CCDC93: variants seen among roughly 807,000 people sequenced by gnomAD.
CCDC93 encodes the protein coiled-coil domain-containing protein 93.
A neutral mutation model predicts 108.2 loss-of-function variants in CCDC93; 61 were observed. The observed-to-expected ratio is 0.56, with a 90% CI of 0.46 to 0.70. The LOEUF (loss-of-function observed/expected upper bound fraction) is 0.70, where lower values mean the gene tolerates loss of function less well. Ranked by LOEUF, CCDC93 falls within the 30% of genes least tolerant of loss-of-function variation. CCDC93 has a pLI of 0.00. For synonymous variants in CCDC93, 276 were observed against 260.4 expected (o/e 1.06, Z -0.58); for missense variants, 685 against 764.2 (o/e 0.90, Z 1.22).
At chr2:117,923,706 C>CA (rs887569425) in intron 23 of CCDC93, among the ~76,000 whole-genome samples, 1 of 58 alleles carries the variant, frequency 0.017, no homozygotes, top group African/African-American at 0.056. Flanking sequence ...CCTCTGGGGG[C>CA]AGGCATAGCC....
At chr2:117,941,023 G>A (rs1678683600) in intron 19 of CCDC93, among the ~76,000 whole-genome samples, 166 bp downstream of exon 19, 2 of 152,178 alleles carry the variant, frequency 1.3e-5, no homozygotes, top group African/African-American at 4.8e-5. Context: ...GAGCACCACA[G>A]TGCTGCTCCC....
At chr2:117,949,109 T>A (rs17047565) in intron 14 of CCDC93, among the ~76,000 whole-genome samples, 5 of 152,174 alleles carry the variant, frequency 3.3e-5, no homozygotes, top group Non-Finnish European at 7.4e-5. Flanking sequence ...ACAAGGGGTA[T>A]TGGGAAAAAG....
At chr2:117,993,720 CTTTGTTGTGTTTTTGT>C (rs1035275943) in intron 6 of CCDC93, among the ~76,000 whole-genome samples, 2 of 152,122 alleles carry the variant, frequency 1.3e-5, no homozygotes, top group African/African-American at 4.8e-5. Flanking sequence ...TAGCAGGAAT[CTTTGTTGTGTTTTTGT>C]TTTTGTTTTT....
intron 11 of CCDC93, among the ~76,000 whole-genome samples, chr2:117,966,968 A>G (rs911396370): frequency 1.3e-5 from 2 of 152,210 alleles, no homozygotes; most frequent in Non-Finnish European, 2.9e-5. Flanking sequence ...AGATGTTGAC[A>G]TTCTTCGGGC....
At chr2:117,951,237 C>T (rs3771941) in intron 13 of CCDC93, 394,474 of 984,834 alleles carry the variant, frequency 0.4, 80,244 homozygotes, top group East Asian at 0.68. Context: ...CAGAGGGCTC[C>T]CAACCCGCAG....
At chr2:117,925,532 T>C (rs1214818052) in intron 23 of CCDC93, among the ~76,000 whole-genome samples, 1 of 152,180 alleles carries the variant, frequency 6.6e-6, no homozygotes, top group African/African-American at 2.4e-5. Context: ...AGAAGGCTAT[T>C]ACATAATGGT....
At chr2:117,929,095 C>A (rs1013796427) in intron 23 of CCDC93, among the ~76,000 whole-genome samples, 4 of 149,122 alleles carry the variant, frequency 2.7e-5, no homozygotes, top group Non-Finnish European at 3.0e-5. Flanking sequence ...GAACATCACA[C>A]ACCAGGGCCT....
At chr2:117,928,471 AAAG>A (rs1250019488) in intron 23 of CCDC93, among the ~76,000 whole-genome samples, 1 of 152,244 alleles carries the variant, frequency 6.6e-6, no homozygotes, top group Non-Finnish European at 1.5e-5. Flanking sequence ...ACACTTCTCA[AAAG>A]AAGACATTTA....
rs1022039725 is a variant in CCDC93, at chr2:117,944,104, C to T, written c.1351-18G>A. On this transcript the variant is annotated intron_variant, in intron 17 of 23. Transcript: ENST00000376300. ...AGGTCTTCCTAAAAATTGGAAAAGG[C>T]TGTAATTATCTGGGAATAGAAAACT... 3.2e-6 allele frequency: 5 copies of T among 1,550,368 alleles called. No individual in the cohort carries two copies. In the African/African-American group the frequency reaches 5.5e-5, roughly 17 times the overall value.
At chr2:118,003,037 TAAAAC>T (rs543492049) in intron 3 of CCDC93, among the ~76,000 whole-genome samples, 35 of 152,250 alleles carry the variant, frequency 2.3e-4, no homozygotes, top group South Asian at 1.0e-3. Context: ...CTCTGTCTCT[TAAAAC>T]AAAACAAAAC....
At chr2:117,924,609 C>T (rs146807746) in intron 23 of CCDC93, among the ~76,000 whole-genome samples, 3 of 152,158 alleles carry the variant, frequency 2.0e-5, no homozygotes, top group African/African-American at 7.2e-5. Context: ...ACCAAAGTCT[C>T]CAAGAAATAT....
intron 20 of CCDC93, among the ~76,000 whole-genome samples, chr2:117,937,713 T>C (rs1023433290): frequency 6.6e-6 from 1 of 152,228 alleles, no homozygotes; most frequent in Non-Finnish European, 1.5e-5. Flanking sequence ...TTGGCAAATC[T>C]TTCCTTTGCC....
At chr2:117,957,755 A>G (rs1265686929) in intron 12 of CCDC93, among the ~76,000 whole-genome samples, 1 of 152,166 alleles carries the variant, frequency 6.6e-6, no homozygotes, top group African/African-American at 2.4e-5. Context: ...CTGTAAGTCC[A>G]TATAGCCCAT....
intron 7 of CCDC93, among the ~76,000 whole-genome samples, chr2:117,983,387 T>G (rs962166285): frequency 1.3e-5 from 2 of 152,258 alleles, no homozygotes; most frequent in African/African-American, 4.8e-5. Flanking sequence ...CATTTTCTCC[T>G]GTTAATCTGC....
At position 117,958,490 on chromosome 2, in the gene CCDC93, A is replaced by C. The variant is rs755416734; in HGVS notation, c.889-9T>G. On this transcript the variant is annotated splice_polypyrimidine_tract_variant and intron_variant, in intron 11 of 23. Transcript: ENST00000376300. ...GCTGATAGCTCAGACTGCTGTGGAA[A>C]AAAGGGATGGCAAATCCAAAGGATT... The C allele has an allele frequency of 2.7e-6, 4 of 1,487,476 alleles. No individual in the cohort carries two copies. The South Asian group carries it at 4.5e-5, about 17-fold the overall frequency. 92.1% of individuals were successfully genotyped at this position (1,487,476 alleles called of 1,614,324 possible).
intron 23 of CCDC93, among the ~76,000 whole-genome samples, chr2:117,924,199 G>A (rs988606634): frequency 1.3e-5 from 2 of 152,162 alleles, no homozygotes; most frequent in African/African-American, 4.8e-5. Context: ...CAGAAAAACT[G>A]GAAACTGTAA....
chr2:117,942,967 C>A (rs1411351707), intron 18 of CCDC93, among the ~76,000 whole-genome samples: 1 of 152,210 alleles, frequency 6.6e-6, no homozygotes, highest in African/African-American at 2.4e-5. Context: ...ATATTATTCA[C>A]CCTTGTGTCA....
In CCDC93 at chr2:117,917,471, G is replaced by A. The variant is rs1677722400; in HGVS notation, c.*2872C>T. The A allele has an allele frequency of 6.5e-6, 1 of 152,716 alleles. No individual in the cohort carries two copies. The highest frequency in any genetic ancestry group is 2.1e-4 in the South Asian group (1 of 4,838). 9.5% of individuals were successfully genotyped at this position (152,716 alleles called of 1,614,324 possible). On this transcript the variant is annotated 3_prime_UTR_variant, in exon 24 of 24. Coordinates refer to ENST00000376300, the MANE Select transcript of CCDC93 (RefSeq NM_019044.5). Reference sequence around the variant, plus strand: ...CCTTCTGGTTGTGCTGATGGACTCAGCGGACACTGGCAGGACCCAGCTATC... The same window carrying A: ...CCTTCTGGTTGTGCTGATGGACTCAACGGACACTGGCAGGACCCAGCTATC...
intron 18 of CCDC93, among the ~76,000 whole-genome samples, chr2:117,941,914 G>A (rs570119485): frequency 1.1e-4 from 17 of 152,284 alleles, no homozygotes; most frequent in Admixed American, 8.5e-4. Context: ...CACTGAACAC[G>A]TGTAGACTCC....
Sources: allele counts gnomAD v4.1 joint callset (sites outside exome capture counted in the v4.1 genomes callset), GRCh38; gene constraint gnomAD v4.1.1; transcripts MANE v1.5; gene names NCBI Gene and HGNC (gene_info 2026-07-23, HGNC 2026-07-21).